Variants in PLPPR2 observed in about 807,000 individuals in gnomAD.
PLPPR2 encodes the protein phospholipid phosphatase-related protein type 2.
PLPPR2 carries 11 observed loss-of-function variants against 40.3 expected under a neutral mutation model. That is an observed-to-expected ratio of 0.27 (90% CI 0.17 to 0.45). The LOEUF (loss-of-function observed/expected upper bound fraction) is 0.45. Ranked by LOEUF, PLPPR2 falls within the 20% of genes least tolerant of loss-of-function variation. The probability of loss-of-function intolerance (pLI) is 1.00; values close to 1 mark genes in which losing one functional copy is unlikely to be tolerated. For missense variants in PLPPR2, 497 were observed against 640.7 expected, an observed-to-expected ratio of 0.78 and a Z score of 2.42; for synonymous variants, 260 against 290.8, an observed-to-expected ratio of 0.89 and a Z score of 1.08.
At position 11,362,599 on chromosome 19, in the gene PLPPR2, G is replaced by T; in HGVS notation, c.750G>T (p.Leu250=). 1 of 1,613,544 alleles carries T rather than the reference G, an allele frequency of 6.2e-7. No individual in the cohort carries two copies. The highest frequency in any genetic ancestry group is 8.5e-7 in the Non-Finnish European group (1 of 1,180,010). The part of the protein sequence containing the change: ...LCLALLCPAF[L]VGVVRVAEYR... ...TGGCCTTGCTGTGCCCGGCCTTCCT[G>T]GTGGGCGTGGTCCGCGTGGCCGAGT... The change falls in exon 7 of 10, where the codon CTG becomes CTT. Residue 250 remains leucine (L), a synonymous_variant. Coordinates refer to ENST00000688289, the MANE Select transcript of PLPPR2 (RefSeq NM_001393892.1). The surrounding 1 kb of genome is among the most constrained non-coding windows in gnomAD (Gnocchi z 5.3).
chr19:11,360,087 C>A, intron 5 of PLPPR2, 131 bp downstream of exon 5: 1 of 1,264,052 alleles, frequency 7.9e-7, no homozygotes, highest in Non-Finnish European at 1.0e-6. Flanking sequence ...AATCTCAGCA[C>A]TGTGGGAGGC....
chr19:11,359,421 T>A lies in PLPPR2; in HGVS notation c.67-111T>A, dbSNP rs1967982551. 1.0e-6 allele frequency: 1 copy of A among 990,516 alleles called. No homozygotes were observed. The highest frequency in any genetic ancestry group is 1.7e-5 in the African/African-American group (1 of 60,148). 61.4% of individuals were successfully genotyped at this position (990,516 alleles called of 1,614,324 possible). A position where few individuals can be genotyped will look rare whatever the true frequency, so the allele number is the denominator to read the frequency against. On this transcript the variant is annotated intron_variant, in intron 3 of 9. Coordinates refer to ENST00000688289, the MANE Select transcript of PLPPR2 (RefSeq NM_001393892.1). This position sits in a 1 kb window ranked among gnomAD's most constrained non-coding sequence, Gnocchi z 5.6. ...GTCTCTCTCCATCTTCTAGTTTCTG[T>A]CTCTAACCCATGTTTCTCCATCTCT...
chr19:11,362,544 G>C lies in PLPPR2; in HGVS notation c.695G>C (p.Gly232Ala), dbSNP rs1968079057. The change falls in exon 7 of 10, where the codon GGC (glycine) becomes GCC (alanine). Residue 232 changes from glycine (G) to alanine (A), a missense_variant. Gly to Ala is a moderately conservative substitution (Grantham distance 60). Coordinates refer to ENST00000688289, the MANE Select transcript of PLPPR2 (RefSeq NM_001393892.1). This position sits in a 1 kb window ranked among gnomAD's most constrained non-coding sequence, Gnocchi z 5.3. ...GTGACTCTCGTGTTCCGCGTGAAGG[G>C]CTCCCGCCTGGTCAAACCCTCGCTC... ...MYVTLVFRVK[G>A]SRLVKPSLCL... 6.2e-7 allele frequency: 1 copy of C among 1,611,528 alleles called. No homozygotes were observed. The highest frequency in any genetic ancestry group is 1.3e-5 in the African/African-American group (1 of 75,068).
At chr19:11,357,562 TG>T in intron 2 of PLPPR2, 97 bp from the exon 3 acceptor site, 1 of 798,106 alleles carries the variant, frequency 1.3e-6, no homozygotes, top group Non-Finnish European at 1.9e-6. Flanking sequence ...GCCAGGGGTG[TG>T]GCCAAAGGAC....
chr19:11,364,474 G>A lies in PLPPR2; in HGVS notation c.1143G>A (p.Leu381=), dbSNP rs1968139686. 1 of 1,517,230 alleles carries A rather than the reference G, an allele frequency of 6.6e-7. No homozygotes were observed. The highest frequency in any genetic ancestry group is 8.8e-7 in the Non-Finnish European group (1 of 1,138,334). 94.0% of individuals were successfully genotyped at this position (1,517,230 alleles called of 1,614,324 possible). A position where few individuals can be genotyped will look rare whatever the true frequency, so the allele number is the denominator to read the frequency against. Residue 381 remains leucine (L), a synonymous_variant, in exon 10 of 10, where the codon CTG becomes CTA. Transcript: ENST00000688289. This position sits in a 1 kb window ranked among gnomAD's most constrained non-coding sequence, Gnocchi z 5.8. ...RLRSEPTPLP[L]PLPLPAPTPS... ...GGTCTGAGCCGACGCCCTTGCCCCT[G>A]CCCCTACCCCTGCCAGCGCCCACCC...
intron 5 of PLPPR2, 151 bp downstream of exon 5, chr19:11,360,107 G>A (rs1968003387): frequency 1.9e-5 from 22 of 1,140,890 alleles, no homozygotes; most frequent in Admixed American, 9.6e-5. Context: ...CCAAGTGGGC[G>A]ATCACCTGAG....
At chr19:11,360,338 C>T (rs112665519) in intron 5 of PLPPR2, among the ~76,000 whole-genome samples, 11 of 150,090 alleles carry the variant, frequency 7.3e-5, no homozygotes, top group African/African-American at 2.4e-4. Flanking sequence ...CATGGTGGTA[C>T]ATGCCTGTAG....
intron 2 of PLPPR2, 62 bp from the exon 3 acceptor site, chr19:11,357,598 G>A (rs1255431611): frequency 7.7e-7 from 1 of 1,302,688 alleles, no homozygotes; most frequent in Non-Finnish European, 1.1e-6. Flanking sequence ...CAGGGTCCCG[G>A]TGACCTGAGC....
intron 3 of PLPPR2, among the ~76,000 whole-genome samples, chr19:11,358,230 C>T (rs1033758893): frequency 6.6e-6 from 1 of 152,076 alleles, no homozygotes; most frequent in Non-Finnish European, 1.5e-5. Flanking sequence ...AATTTTTGTA[C>T]TTTTTGGTAG....
At position 11,361,448 on chromosome 19, in the gene PLPPR2, A is replaced by G; in HGVS notation, c.623A>G (p.Lys208Arg). 1 of 1,604,284 alleles carries G rather than the reference A, an allele frequency of 6.2e-7. No individual in the cohort carries two copies. Among genetic ancestry groups the G allele is most frequent in the Non-Finnish European group, 8.5e-7 (1 of 1,179,164 alleles). Reference protein sequence around the residue: ...VAAARRAFPCKDAALCAYAVT... With the variant: ...VAAARRAFPCRDAALCAYAVT... ...GCCGCGCGCCGCGCCTTCCCCTGCAAGGATGCGGCCCTCTGCGCCTACGCG... is the reference window on the plus strand; with the variant it reads ...GCCGCGCGCCGCGCCTTCCCCTGCAGGGATGCGGCCCTCTGCGCCTACGCG... The change falls in exon 6 of 10, where the codon AAG (lysine) becomes AGG (arginine). Residue 208 changes from lysine (K) to arginine (R), a missense_variant. Transcript: ENST00000688289. The surrounding 1 kb of genome is among the most constrained non-coding windows in gnomAD (Gnocchi z 6.3).
In PLPPR2 at chr19:11,364,256, GT is replaced by G. The variant is rs1400751812; in HGVS notation, c.1015+45del. The G allele has an allele frequency of 1.9e-6, 3 of 1,587,042 alleles. No individual in the cohort carries two copies. Among genetic ancestry groups the G allele is most frequent in the Non-Finnish European group, 2.6e-6 (3 of 1,164,680 alleles). On this transcript the variant is annotated intron_variant, in intron 9 of 9. Transcript: ENST00000688289. The surrounding 1 kb of genome is among the most constrained non-coding windows in gnomAD (Gnocchi z 5.8). ...GGGGGCTAAACAGGGGGACTTCCAG[GT>G]GGGCAGCCACTGCCCCAGAGGTCTC...
intron 5 of PLPPR2, among the ~76,000 whole-genome samples, chr19:11,360,631 A>G (rs1466426506): frequency 6.6e-6 from 1 of 151,988 alleles, no homozygotes; most frequent in Non-Finnish European, 1.5e-5. Context: ...CAGGCACAAA[A>G]GAGAGACACA....
chr19:11,361,548 C>T lies in PLPPR2; in HGVS notation c.663+60C>T. On this transcript the variant is annotated intron_variant, in intron 6 of 9. Coordinates refer to ENST00000688289, the MANE Select transcript of PLPPR2 (RefSeq NM_001393892.1). This position sits in a 1 kb window ranked among gnomAD's most constrained non-coding sequence, Gnocchi z 6.3. ...GTGCAGGCTGGACAGCGACCAGCAG[C>T]TAGGAAGCCGCCAGGGTTGGAGCCT... The T allele has an allele frequency of 6.5e-7, 1 of 1,538,788 alleles. No homozygotes were observed. The highest frequency in any genetic ancestry group is 8.7e-7 in the Non-Finnish European group (1 of 1,146,648).
rs1967978287 is a variant in PLPPR2, at chr19:11,359,274, G to A, written c.67-258G>A. ...TGCCTCCCAAAGTGCTGGAATTACA[G>A]GCACGAGCCGCTGCACACGGCCCCT... On this transcript the variant is annotated intron_variant, in intron 3 of 9. Coordinates refer to ENST00000688289, the MANE Select transcript of PLPPR2 (RefSeq NM_001393892.1). This position sits in a 1 kb window ranked among gnomAD's most constrained non-coding sequence, Gnocchi z 5.6. Among the ~76,000 whole-genome samples the A allele has an allele frequency of 6.6e-6, 1 of 152,126 alleles. No homozygotes were observed. Among genetic ancestry groups the A allele is most frequent in the African/African-American group, 2.4e-5 (1 of 41,430 alleles).
Position 11,359,058 on chromosome 19 carries a change from T to C in PLPPR2, c.67-474T>C, listed in dbSNP as rs1200082409. ...TTCAGCCATTCCTTTTCCTTTCTTT[T>C]TTTTCTGAGACAGGGTCTCCCTCTG... is the stretch of plus-strand genomic sequence containing the variant. On this transcript the variant is annotated intron_variant, in intron 3 of 9. Transcript: ENST00000688289. The surrounding 1 kb of genome is among the most constrained non-coding windows in gnomAD (Gnocchi z 5.6). Among the ~76,000 whole-genome samples, 2 of 151,846 alleles carry C rather than the reference T, an allele frequency of 1.3e-5. No individual in the cohort carries two copies. Among genetic ancestry groups the C allele is most frequent in the Non-Finnish European group, 2.9e-5 (2 of 67,960 alleles).
intron 2 of PLPPR2, 81 bp from the exon 3 acceptor site, chr19:11,357,579 G>A (rs1256219050): frequency 2.1e-5 from 22 of 1,024,254 alleles, no homozygotes; most frequent in Non-Finnish European, 2.9e-5. Flanking sequence ...AGGACTCAGG[G>A]GATGAAGCCA....
At position 11,364,721 on chromosome 19, in the gene PLPPR2, T is replaced by C. The variant is rs1239207796; in HGVS notation, c.*31T>C. The C allele has an allele frequency of 6.5e-7, 1 of 1,536,358 alleles. No homozygotes were observed. Among genetic ancestry groups the C allele is most frequent in the Non-Finnish European group, 8.7e-7 (1 of 1,146,522 alleles). The stretch of plus-strand genomic sequence containing the variant: ...GACCACCCACCCAGAATCTGCCCAG[T>C]CCCCACTTCTTCCCTGCCACGCGTG... On this transcript the variant is annotated 3_prime_UTR_variant, in exon 10 of 10. Transcript: ENST00000688289. The surrounding 1 kb of genome is among the most constrained non-coding windows in gnomAD (Gnocchi z 5.8).
In PLPPR2 at chr19:11,362,741, G is replaced by A. The variant is rs1345177973; in HGVS notation, c.840+52G>A. The A allele has an allele frequency of 6.4e-7, 1 of 1,568,172 alleles. No individual in the cohort carries two copies. Among genetic ancestry groups the A allele is most frequent in the Non-Finnish European group, 8.7e-7 (1 of 1,154,578 alleles). ...CATGGAAGACCCTCACCAGCTCTCT[G>A]ACCCAAGAGGCAGGACCACATGATG... On this transcript the variant is annotated intron_variant, in intron 7 of 9. Transcript: ENST00000688289. This position sits in a 1 kb window ranked among gnomAD's most constrained non-coding sequence, Gnocchi z 5.3.
chr19:11,356,664 TTG>T (rs66994507), intron 1 of PLPPR2, 136 bp from the exon 2 acceptor site: 91 of 146,012 alleles, frequency 6.2e-4, no homozygotes, highest in Middle Eastern at 3.4e-3. Context: ...TATGCCATGG[TTG>T]TGTGTGTGTG....
Sources: gnomAD v4.1 joint callset for allele counts (sites outside exome capture counted in the v4.1 genomes callset) on GRCh38, gnomAD v4.1.1 for gene constraint, Gnocchi (gnomAD v3.1) non-coding constraint, MANE v1.5 for transcripts, NCBI Gene and HGNC (gene_info 2026-07-23, HGNC 2026-07-21) for gene names.